NRP1: variants seen among roughly 807,000 people sequenced by gnomAD.
NRP1 encodes neuropilin-1.
In NRP1, 35 loss-of-function variants were observed where a neutral mutation model predicts 106.7. The observed-to-expected ratio is 0.33, with a 90% CI of 0.25 to 0.43. The LOEUF is 0.43. Ranked by LOEUF, NRP1 falls within the 20% of genes least tolerant of loss-of-function variation. The pLI is 1.00. For missense variants in NRP1, 1,024 were observed against 1,170.4 expected (o/e 0.87, Z 1.83); for synonymous variants, 437 against 417.9 (o/e 1.05, Z -0.56).
chr10:33,292,940 C>T (rs999651786), intron 2 of NRP1, among the ~76,000 whole-genome samples: 6 of 151,056 alleles, frequency 4.0e-5, no homozygotes, highest in Non-Finnish European at 2.9e-5. Flanking sequence ...GAGCCGAGAT[C>T]GTGCCATTGC....
At chr10:33,185,258 T>TG (rs1184451926) in intron 15 of NRP1, among the ~76,000 whole-genome samples, 3 of 152,258 alleles carry the variant, frequency 2.0e-5, no homozygotes, top group Non-Finnish European at 4.4e-5. Context: ...CCTGCTGTTT[T>TG]GTTTATACAC....
At chr10:33,277,524 A>G (rs1588904216) in intron 2 of NRP1, among the ~76,000 whole-genome samples, 1 of 152,244 alleles carries the variant, frequency 6.6e-6, no homozygotes, top group East Asian at 1.9e-4. Context: ...CTGAGTGGCA[A>G]TGCCCAGCTT....
chr10:33,202,568 G>T lies in NRP1; in HGVS notation c.1864+323C>A, dbSNP rs1047849330. 15 of 1,120,902 alleles carry T rather than the reference G, an allele frequency of 1.3e-5. No homozygotes were observed. The African/African-American group carries it at 2.1e-4, about 16-fold the overall frequency. 69.4% of individuals were successfully genotyped at this position (1,120,902 alleles called of 1,614,324 possible). ...ACGTAGGGGTGGTGCACGTGTTATT[G>T]GGGGGGGGTCTGAAAATAATGAAAA... On this transcript the variant is annotated intron_variant, in intron 11 of 16. Coordinates refer to ENST00000374867, the MANE Select transcript of NRP1 (RefSeq NM_003873.7).
intron 9 of NRP1, chr10:33,211,942 A>G (rs909821357): frequency 2.0e-5 from 3 of 152,224 alleles, no homozygotes; most frequent in Non-Finnish European, 4.4e-5. Flanking sequence ...CAGAACTTAA[A>G]CTGCTAGTTG....
chr10:33,328,021 G>A (rs1848014052), intron 2 of NRP1, among the ~76,000 whole-genome samples: 1 of 151,948 alleles, frequency 6.6e-6, no homozygotes, highest in Non-Finnish European at 1.5e-5. Flanking sequence ...AGAGAGCAAA[G>A]CCTCAGTTGG....
chr10:33,326,372 C>T (rs1306160017), intron 2 of NRP1, among the ~76,000 whole-genome samples: 2 of 152,286 alleles, frequency 1.3e-5, no homozygotes, highest in Non-Finnish European at 2.9e-5. Context: ...AAACTCTCCA[C>T]TGGTCACTTC....
At chr10:33,233,680 C>A (rs1334420366) in intron 6 of NRP1, among the ~76,000 whole-genome samples, 1 of 152,042 alleles carries the variant, frequency 6.6e-6, no homozygotes, top group East Asian at 1.9e-4. Context: ...TTTTAACACT[C>A]CCAAGGCAGG....
intron 3 of NRP1, among the ~76,000 whole-genome samples, chr10:33,267,693 G>A (rs78483727): frequency 0.029 from 4,427 of 152,196 alleles, 100 homozygotes; most frequent in Non-Finnish European, 0.049. Context: ...GAGATCAGTG[G>A]GGAGGCTTGA....
rs199883581 is a variant in NRP1 at position 33,213,658 on chromosome 10, T to C, written c.1342A>G (p.Thr448Ala). 9 of 1,613,908 alleles carry C rather than the reference T, an allele frequency of 5.6e-6. No homozygotes were observed. In the African/African-American group the frequency reaches 1.1e-4, roughly 19 times the overall value. ...TTTCTGTCCCCTTGGTTGGATGATG[T>C]GATCTGGGAGTCAGAAATAAGTCCA... ...VSGLISDSQI[T>A]SSNQGDRNWM... Residue 448 changes from threonine to alanine, a missense_variant, in exon 9 of 17, where the codon ACA becomes GCA. Coordinates refer to ENST00000374867, the MANE Select transcript of NRP1 (RefSeq NM_003873.7).
chr10:33,243,350 G>A (rs573051473), intron 6 of NRP1, among the ~76,000 whole-genome samples: 4 of 152,212 alleles, frequency 2.6e-5, no homozygotes, highest in Admixed American at 2.6e-4. Context: ...CAAGCTCAGG[G>A]CACTAGCTGA....
At chr10:33,194,555 T>G (rs1043738362) in intron 12 of NRP1, 10 of 301,332 alleles carry the variant, frequency 3.3e-5, no homozygotes, top group African/African-American at 2.2e-4. Flanking sequence ...CACTTCTCGC[T>G]TCAGAGAATG....
chr10:33,202,572 G>GGGC (rs1223403987), intron 11 of NRP1: 1 of 1,412,766 alleles, frequency 7.1e-7, no homozygotes. Flanking sequence ...GTTATTGGGG[G>GGGC]GGGGTCTGAA....
chr10:33,292,174 G>A (rs1845044357), intron 2 of NRP1, among the ~76,000 whole-genome samples: 1 of 152,200 alleles, frequency 6.6e-6, no homozygotes, highest in African/African-American at 2.4e-5. Context: ...GGGATTACAG[G>A]CATGAGTCAC....
intron 11 of NRP1, among the ~76,000 whole-genome samples, chr10:33,198,229 C>G (rs1287698263): frequency 6.6e-6 from 1 of 151,366 alleles, no homozygotes; most frequent in East Asian, 1.9e-4. Context: ...ACAACCTCCG[C>G]CTCCCAGGTT....
rs200093121 is a variant in NRP1, at chr10:33,207,526, G to C, written c.1759+46C>G. On this transcript the variant is annotated intron_variant, in intron 10 of 16. Coordinates refer to ENST00000374867, the MANE Select transcript of NRP1 (RefSeq NM_003873.7). ...ATCAGGGGCATAAATGCATGGAAGAGGAAATTTAAAAACGCATGAGAAGTA... is the reference window on the plus strand; with the variant it reads ...ATCAGGGGCATAAATGCATGGAAGACGAAATTTAAAAACGCATGAGAAGTA... 1.0e-4 allele frequency: 161 copies of C among 1,608,692 alleles called. 1 individual carries two copies. Among genetic ancestry groups the C allele is most frequent in the Middle Eastern group, 8.3e-4 (5 of 6,026 alleles).
intron 8 of NRP1, among the ~76,000 whole-genome samples, chr10:33,218,977 T>G (rs1839008595): frequency 6.6e-6 from 1 of 152,184 alleles, no homozygotes. Context: ...GCAGGAATAC[T>G]GTAGTCCTCC....
intron 11 of NRP1, chr10:33,202,649 T>C: frequency 6.5e-7 from 1 of 1,540,074 alleles, no homozygotes; most frequent in Non-Finnish European, 8.8e-7. Flanking sequence ...ATTAAGATAA[T>C]CCTAGCCTTT....
intron 2 of NRP1, among the ~76,000 whole-genome samples, chr10:33,328,768 A>G (rs1848069000): frequency 6.6e-6 from 1 of 152,188 alleles, no homozygotes; most frequent in South Asian, 2.1e-4. Flanking sequence ...GCTACATACA[A>G]ATGAGGACTT....
intron 2 of NRP1, among the ~76,000 whole-genome samples, chr10:33,273,267 C>G (rs1340354827): frequency 2.0e-5 from 3 of 152,142 alleles, no homozygotes; most frequent in Non-Finnish European, 4.4e-5. Context: ...AACAGGGCCC[C>G]AAATAGTATC....
Sources: gnomAD v4.1 joint callset for allele counts (sites outside exome capture counted in the v4.1 genomes callset) on GRCh38, gnomAD v4.1.1 for gene constraint, MANE v1.5 for transcripts, NCBI Gene and HGNC (gene_info 2026-07-23, HGNC 2026-07-21) for gene names.